AP1M1: variants seen among roughly 807,000 people sequenced by gnomAD.
AP1M1 encodes adaptor related protein complex 1 subunit mu 1, also known as AP-1 complex subunit mu-1.
Under a neutral mutation model 57.1 loss-of-function variants are expected in AP1M1, and 18 were observed. The observed-to-expected ratio is 0.32, with a 90% CI of 0.22 to 0.47. The LOEUF is 0.47. Ranked by LOEUF, AP1M1 falls within the 20% of genes least tolerant of loss-of-function variation. AP1M1 has a pLI of 1.00. For synonymous variants in AP1M1, 241 were observed against 237.9 expected (o/e 1.01, Z -0.12); for missense variants, 362 against 593.5 (o/e 0.61, Z 4.05).
chr19:16,225,394 G>T (rs917832705), intron 5 of AP1M1, among the ~76,000 whole-genome samples: 1 of 80,980 alleles, frequency 1.2e-5, no homozygotes, highest in African/African-American at 2.9e-5. Flanking sequence ...GCAGTGTGCA[G>T]TGGTGGCCAG....
rs1462327357 is a variant in AP1M1 at position 16,236,323 on chromosome 19, T to A, written c.*1888T>A. ...CTTATCAGATAAGACCTGCAAACCC[T>A]CCACTACAGACTGTAGAAATGCAGG... On this transcript the variant is annotated 3_prime_UTR_variant, in exon 12 of 12. Transcript: ENST00000291439. The A allele has an allele frequency of 6.6e-6, 1 of 152,198 alleles. No individual in the cohort carries two copies. The highest frequency in any genetic ancestry group is 2.4e-5 in the African/African-American group (1 of 41,408). 9.4% of individuals were successfully genotyped at this position (152,198 alleles called of 1,614,324 possible). A position where few individuals can be genotyped will look rare whatever the true frequency, so the allele number is the denominator to read the frequency against.
chr19:16,203,059 C>T lies in AP1M1; in HGVS notation c.43-400C>T, dbSNP rs933129858. On this transcript the variant is annotated intron_variant, in intron 1 of 11. Coordinates refer to ENST00000291439, the MANE Select transcript of AP1M1 (RefSeq NM_032493.4). The surrounding 1 kb of genome is among the most constrained non-coding windows in gnomAD (Gnocchi z 4.6). ...ACCTGTGGACTTCAGTAAATACGAA[C>T]CTTCAGCGGGAGTGGGCGCCCTGAC... 4.4e-5 allele frequency: 10 copies of T among 229,300 alleles called. No individual in the cohort carries two copies. The highest frequency in any genetic ancestry group is 1.0e-4 in the Admixed American group (2 of 19,242). The allele number at this position is 229,300 out of a possible 1,614,324, so 14.2% of individuals were successfully genotyped here. A position where few individuals can be genotyped will look rare whatever the true frequency, so the allele number is the denominator to read the frequency against.
intron 5 of AP1M1, among the ~76,000 whole-genome samples, chr19:16,223,059 T>C (rs1177410987): frequency 2.6e-5 from 4 of 152,230 alleles, no homozygotes; most frequent in Non-Finnish European, 5.9e-5. Flanking sequence ...CCTGGACTTT[T>C]TGAGCATTAT....
chr19:16,208,286 G>T (rs923211369), intron 4 of AP1M1, 137 bp downstream of exon 4: 81 of 991,164 alleles, frequency 8.2e-5, no homozygotes, highest in Non-Finnish European at 1.1e-4. Flanking sequence ...CAGTATTCGG[G>T]TTTTTACTAA....
Position 16,208,112 on chromosome 19 carries a change from G to A in AP1M1, c.361G>A (p.Gly121Ser). The A allele has an allele frequency of 1.9e-6, 3 of 1,613,462 alleles. No individual in the cohort carries two copies. Among genetic ancestry groups the A allele is most frequent in the Non-Finnish European group, 2.5e-6 (3 of 1,179,766 alleles). ...GCTGCTGGACGAGCTCATGGACTTCGGCTACCCCCAGACCACCGACAGCAA... is the reference window on the plus strand; with the variant it reads ...GCTGCTGGACGAGCTCATGGACTTCAGCTACCCCCAGACCACCGACAGCAA... Reference protein sequence around the residue: ...YELLDELMDFGYPQTTDSKIL... With the variant: ...YELLDELMDFSYPQTTDSKIL... Residue 121 changes from glycine (G) to serine (S), a missense_variant, in exon 4 of 12, where the codon GGC (glycine) becomes AGC (serine). Gly to Ser is a moderately conservative substitution (Grantham distance 56). This residue lies in a region of AP1M1 where 337 missense variants were observed against 511.1 expected (regional missense o/e 0.66). Transcript: ENST00000291439.
chr19:16,215,097 T>A (rs1187770839), intron 5 of AP1M1, among the ~76,000 whole-genome samples: 1 of 149,552 alleles, frequency 6.7e-6, no homozygotes, highest in African/African-American at 2.5e-5. Flanking sequence ...GTTGGCCAGA[T>A]GTGAAATTCT....
Position 16,226,499 on chromosome 19 carries a change from G to A in AP1M1, c.625G>A (p.Glu209Lys). ...KMRVFLSGMP[E>K]LRLGLNDKVL... ...GCGAGTCTTCCTCTCGGGCATGCCCGAGCTGCGCCTGGGCCTCAACGACAA... is the reference window on the plus strand; with the variant it reads ...GCGAGTCTTCCTCTCGGGCATGCCCAAGCTGCGCCTGGGCCTCAACGACAA... Residue 209 changes from glutamate (E) to lysine (K), a missense_variant, in exon 6 of 12, where the codon GAG becomes AAG. Physicochemically the swap from Glu to Lys is moderately conservative, Grantham distance 56. This residue lies in a region of AP1M1 where 337 missense variants were observed against 511.1 expected (regional missense o/e 0.66). Coordinates refer to ENST00000291439, the MANE Select transcript of AP1M1 (RefSeq NM_032493.4). 1.3e-6 allele frequency: 2 copies of A among 1,588,916 alleles called. No homozygotes were observed. Among genetic ancestry groups the A allele is most frequent in the Non-Finnish European group, 1.7e-6 (2 of 1,167,340 alleles).
chr19:16,211,325 C>G (rs2091492539), intron 5 of AP1M1, among the ~76,000 whole-genome samples: 1 of 152,078 alleles, frequency 6.6e-6, no homozygotes, highest in Admixed American at 6.6e-5. Flanking sequence ...AACTCCTGAC[C>G]TCAGGTGATC....
At chr19:16,202,578 G>T (rs1225782828) in intron 1 of AP1M1, among the ~76,000 whole-genome samples, 1 of 152,096 alleles carries the variant, frequency 6.6e-6, no homozygotes, top group African/African-American at 2.4e-5. Context: ...TTTTATACAC[G>T]TGCAGTCATG....
At chr19:16,217,000 T>C (rs563321842) in intron 5 of AP1M1, among the ~76,000 whole-genome samples, 3 of 152,032 alleles carry the variant, frequency 2.0e-5, no homozygotes, top group East Asian at 1.9e-4. Flanking sequence ...GGGAGGGCAT[T>C]TGTAGCAGCA....
chr19:16,233,436 T>C, intron 9 of AP1M1, 57 bp from the exon 10 acceptor site: 1 of 1,505,280 alleles, frequency 6.6e-7, no homozygotes, highest in Non-Finnish European at 8.9e-7. Context: ...GGGCCAGAGC[T>C]GTTGGCTAAG....
At position 16,213,520 on chromosome 19, in the gene AP1M1, A is replaced by G. The variant is rs1054139171; in HGVS notation, c.546+4343A>G. On this transcript the variant is annotated intron_variant, in intron 5 of 11. Transcript: ENST00000291439. ...GTCTTTTTTTTTTCTTTTGAGACAGAGTCTTGCTGTGTTGCCCAGGCTGGA... is the reference window on the plus strand; with the variant it reads ...GTCTTTTTTTTTTCTTTTGAGACAGGGTCTTGCTGTGTTGCCCAGGCTGGA... Among the ~76,000 whole-genome samples the G allele has an allele frequency of 4.0e-5, 6 of 151,540 alleles. No homozygotes were observed. The South Asian group carries it at 1.2e-3, about 31-fold the overall frequency.
At chr19:16,229,401 A>C (rs917836210) in intron 9 of AP1M1, among the ~76,000 whole-genome samples, 1 of 152,232 alleles carries the variant, frequency 6.6e-6, no homozygotes, top group Non-Finnish European at 1.5e-5. Flanking sequence ...CCAGCTCTGC[A>C]TCGGCGTGGC....
chr19:16,209,814 G>A (rs539630018), intron 5 of AP1M1, among the ~76,000 whole-genome samples: 86 of 152,168 alleles, frequency 5.7e-4, no homozygotes, highest in Non-Finnish European at 1.1e-3. Context: ...TTGATTTTGC[G>A]TTCAGTGTTA....
At chr19:16,214,213 T>A (rs1019390782) in intron 5 of AP1M1, among the ~76,000 whole-genome samples, 2 of 151,326 alleles carry the variant, frequency 1.3e-5, no homozygotes, top group African/African-American at 4.9e-5. Context: ...CATGCCCAGC[T>A]AATTTTTTTT....
chr19:16,218,083 G>C (rs1036327943), intron 5 of AP1M1, among the ~76,000 whole-genome samples: 1 of 152,126 alleles, frequency 6.6e-6, no homozygotes, highest in African/African-American at 2.4e-5. Context: ...TTTATAAACT[G>C]CCCCTTAATT....
chr19:16,228,291 G>T lies in AP1M1; in HGVS notation c.888+83G>T. 2 of 1,407,652 alleles carry T rather than the reference G, an allele frequency of 1.4e-6. No individual in the cohort carries two copies. The highest frequency in any genetic ancestry group is 9.9e-7 in the Non-Finnish European group (1 of 1,014,554). 87.2% of individuals were successfully genotyped at this position (1,407,652 alleles called of 1,614,324 possible). ...AGCCTAACCGAGGGCTGGGGGTGCCGTAGGGCTGCCATCCGTGCACCCTCA... is the reference window on the plus strand; with the variant it reads ...AGCCTAACCGAGGGCTGGGGGTGCCTTAGGGCTGCCATCCGTGCACCCTCA... On this transcript the variant is annotated intron_variant, in intron 8 of 11. Transcript: ENST00000291439. This position sits in a 1 kb window ranked among gnomAD's most constrained non-coding sequence, Gnocchi z 5.0.
At chr19:16,212,442 T>C (rs1333745813) in intron 5 of AP1M1, among the ~76,000 whole-genome samples, 1 of 152,220 alleles carries the variant, frequency 6.6e-6, no homozygotes, top group Non-Finnish European at 1.5e-5. Flanking sequence ...GGGTCAATGG[T>C]AATATCCCCT....
intron 9 of AP1M1, among the ~76,000 whole-genome samples, chr19:16,231,929 G>A (rs2091600674): frequency 6.6e-6 from 1 of 152,232 alleles, no homozygotes; most frequent in African/African-American, 2.4e-5. Context: ...TACCAGGTTA[G>A]GGAATTTGAT....
Sources: gnomAD v4.1 joint callset for allele counts (sites outside exome capture counted in the v4.1 genomes callset) on GRCh38, gnomAD v4.1.1 for gene constraint, gnomAD v4.1.1 regional missense constraint, Gnocchi (gnomAD v3.1) non-coding constraint, MANE v1.5 for transcripts, NCBI Gene and HGNC (gene_info 2026-07-23, HGNC 2026-07-21) for gene names.